TMEFF1: variants seen among roughly 807,000 people sequenced by gnomAD.
The protein encoded by TMEFF1 is transmembrane protein with EGF like and two follistatin like domains 1.
In TMEFF1, 20 loss-of-function variants were observed where a neutral mutation model predicts 47.5. The ratio of observed to expected loss-of-function variants is 0.42; its 90% CI spans 0.30 to 0.61. TMEFF1 has a LOEUF of 0.61. Among genes scored for constraint, TMEFF1 ranks in the 20% least tolerant of loss-of-function variants. The pLI is 0.19. For synonymous variants in TMEFF1, 162 were observed against 166.3 expected, an observed-to-expected ratio of 0.97 and a Z score of 0.20; for missense variants, 411 against 471.1, an observed-to-expected ratio of 0.87 and a Z score of 1.18.
intron 4 of TMEFF1, among the ~76,000 whole-genome samples, chr9:100,516,350 T>C (rs914001041): frequency 6.6e-6 from 1 of 152,182 alleles, no homozygotes; most frequent in Non-Finnish European, 1.5e-5. Context: ...GTATTGCTCC[T>C]GTCTCTTTTC....
intron 1 of TMEFF1, among the ~76,000 whole-genome samples, chr9:100,484,444 G>A (rs1447329728): frequency 6.6e-6 from 1 of 151,530 alleles, no homozygotes; most frequent in Non-Finnish European, 1.5e-5. Context: ...TCAGACTCTC[G>A]AATAGCTGGG....
intron 4 of TMEFF1, 62 bp downstream of exon 4, chr9:100,513,395 T>G: frequency 1.1e-6 from 1 of 915,358 alleles, no homozygotes; most frequent in Non-Finnish European, 1.5e-6. Flanking sequence ...TTCTTTTTCT[T>G]TTTTTTTTTT....
At chr9:100,486,128 G>A (rs1001110783) in intron 1 of TMEFF1, among the ~76,000 whole-genome samples, 3 of 151,464 alleles carry the variant, frequency 2.0e-5, no homozygotes, top group African/African-American at 4.9e-5. Flanking sequence ...TGTTATAAGA[G>A]CAGTATATAA....
intron 5 of TMEFF1, among the ~76,000 whole-genome samples, chr9:100,522,542 GTTCTCTGCCTCAGCCTC>G (rs1247993929): frequency 7.0e-6 from 1 of 143,648 alleles, no homozygotes; most frequent in Non-Finnish European, 1.5e-5. Flanking sequence ...GGTTCAAGCA[GTTCTCTGCCTCAGCCTC>G]CCAAGGAGCT....
chr9:100,477,620 CTTTTTTTTTTTT>C lies in TMEFF1; in HGVS notation c.196+3892_196+3903del, dbSNP rs869245620. ...ATGTTTTTCTGGATCTGCATTCCGC[CTTTTTTTTTTTT>C]TTTTTTTTTTTGAGATGGAGTCTTG... is the stretch of plus-strand genomic sequence containing the variant. On this transcript the variant is annotated intron_variant, in intron 1 of 9. Transcript: ENST00000374879. 4.7e-5 allele frequency among the ~76,000 whole-genome samples: 5 copies of C among 106,750 alleles called. No individual in the cohort carries two copies. The East Asian group carries it at 8.8e-4, about 19-fold the overall frequency. 70.0% of individuals were successfully genotyped at this position (106,750 alleles called of 152,430 possible). A position where few individuals can be genotyped will look rare whatever the true frequency, so the allele number is the denominator to read the frequency against.
Position 100,513,159 on chromosome 9 carries a change from G to C in TMEFF1, c.437-148G>C, listed in dbSNP as rs1389744820. 3.7e-6 allele frequency: 4 copies of C among 1,082,300 alleles called. No individual in the cohort carries two copies. The East Asian group carries it at 1.0e-4, about 28-fold the overall frequency. 67.0% of individuals were successfully genotyped at this position (1,082,300 alleles called of 1,614,324 possible). A position where few individuals can be genotyped will look rare whatever the true frequency, so the allele number is the denominator to read the frequency against. On this transcript the variant is annotated intron_variant, in intron 3 of 9. Coordinates refer to ENST00000374879, the MANE Select transcript of TMEFF1 (RefSeq NM_003692.5). Reference sequence around the variant, plus strand: ...TTTAAGAGCAGCATAAAATAAGTATGTAAGAATAAATAAGATATCAAAAAT... The same window carrying C: ...TTTAAGAGCAGCATAAAATAAGTATCTAAGAATAAATAAGATATCAAAAAT...
chr9:100,529,272 C>T (rs1410068547), intron 5 of TMEFF1, among the ~76,000 whole-genome samples: 1 of 150,884 alleles, frequency 6.6e-6, no homozygotes, highest in African/African-American at 2.4e-5. Flanking sequence ...GGACTAAATG[C>T]TCCAATTAAA....
intron 2 of TMEFF1, 33 bp downstream of exon 2, chr9:100,498,907 A>G (rs1837707791): frequency 1.9e-6 from 3 of 1,593,278 alleles, no homozygotes; most frequent in Non-Finnish European, 1.7e-6. Flanking sequence ...GAAAAGTTTT[A>G]TATTCTTCGT....
chr9:100,476,208 T>C (rs1029811847), intron 1 of TMEFF1, among the ~76,000 whole-genome samples: 7 of 152,194 alleles, frequency 4.6e-5, no homozygotes, highest in East Asian at 1.9e-4. Flanking sequence ...TAGATTCTTA[T>C]TGTAACTTTT....
At chr9:100,509,555 C>T (rs1022837798) in intron 3 of TMEFF1, among the ~76,000 whole-genome samples, 1 of 152,096 alleles carries the variant, frequency 6.6e-6, no homozygotes, top group Non-Finnish European at 1.5e-5. Flanking sequence ...GGGCAGATTA[C>T]GAGGTCAGGA....
rs117368467 is a variant in TMEFF1 at position 100,491,770 on chromosome 9, G to A, written c.197-6995G>A. ...TAATTGAGAAAGTTATTTAAAGTAG[G>A]GAGTCACAAAAATGATTCATAAGTG... On this transcript the variant is annotated intron_variant, in intron 1 of 9. Transcript: ENST00000374879. Among the ~76,000 whole-genome samples the A allele has an allele frequency of 9.6e-3, 1,455 of 151,992 alleles. 11 individuals are homozygous for A. Among genetic ancestry groups the A allele is most frequent in the Non-Finnish European group, 0.017 (1,189 of 67,962 alleles).
At chr9:100,532,787 A>C (rs1363392439) in intron 5 of TMEFF1, among the ~76,000 whole-genome samples, 14 of 152,078 alleles carry the variant, frequency 9.2e-5, no homozygotes, top group Admixed American at 9.2e-4. Flanking sequence ...ACACATGCAC[A>C]CGTATGTTTA....
intron 1 of TMEFF1, among the ~76,000 whole-genome samples, chr9:100,490,286 T>C (rs1189120071): frequency 6.6e-6 from 1 of 152,250 alleles, no homozygotes; most frequent in East Asian, 1.9e-4. Context: ...TTTTTCCTCC[T>C]CATATCTTTA....
chr9:100,535,396 A>G (rs536463553), intron 5 of TMEFF1, among the ~76,000 whole-genome samples: 9 of 152,364 alleles, frequency 5.9e-5, no homozygotes, highest in Non-Finnish European at 1.3e-4. Flanking sequence ...GCATATTGAA[A>G]GGAAAGAAGC....
At chr9:100,495,586 C>T (rs1214673923) in intron 1 of TMEFF1, among the ~76,000 whole-genome samples, 1 of 152,126 alleles carries the variant, frequency 6.6e-6, no homozygotes, top group Non-Finnish European at 1.5e-5. Context: ...AAATTCTTAG[C>T]ATAGTTTTAA....
intron 4 of TMEFF1, 65 bp downstream of exon 4, chr9:100,513,398 T>C (rs907129643): frequency 3.4e-5 from 51 of 1,500,648 alleles, no homozygotes; most frequent in Admixed American, 2.3e-4. Context: ...TTTTTCTTTT[T>C]TTTTTTTTTT....
chr9:100,524,546 G>C (rs572898527), intron 5 of TMEFF1, among the ~76,000 whole-genome samples: 2 of 152,288 alleles, frequency 1.3e-5, no homozygotes, highest in East Asian at 3.9e-4. Context: ...GCTCACTATA[G>C]TTGAGGCATC....
Position 100,494,665 on chromosome 9 carries a change from C to A in TMEFF1, c.197-4100C>A, listed in dbSNP as rs560336191. Among the ~76,000 whole-genome samples the A allele has an allele frequency of 1.1e-4, 17 of 152,152 alleles. No homozygotes were observed. In the South Asian group the frequency reaches 3.5e-3, roughly 32 times the overall value. ...ACAGTGCCTACATATGAACACAGAG[C>A]GAGGGAGGCCAAGAAATGTAGGTTA... On this transcript the variant is annotated intron_variant, in intron 1 of 9. Transcript: ENST00000374879.
intron 8 of TMEFF1, among the ~76,000 whole-genome samples, chr9:100,565,575 T>C (rs1010743271): frequency 1.3e-5 from 2 of 152,102 alleles, no homozygotes; most frequent in Admixed American, 6.5e-5. Flanking sequence ...TACATTCTCC[T>C]CCTCTCCTGT....
Sources: allele counts gnomAD v4.1 joint callset (sites outside exome capture counted in the v4.1 genomes callset), GRCh38; gene constraint gnomAD v4.1.1; transcripts MANE v1.5; gene names NCBI Gene and HGNC (gene_info 2026-07-23, HGNC 2026-07-21).